The following NRG3 variants were observed in gnomAD, a reference collection of about 807,000 sequenced individuals.
The protein encoded by NRG3 is neuregulin 3.
NRG3 carries 31 observed loss-of-function variants against 66.9 expected under a neutral mutation model. That is an observed-to-expected ratio of 0.46 (90% confidence interval 0.35 to 0.63). The LOEUF (loss-of-function observed/expected upper bound fraction) is 0.63, where lower values mean the gene tolerates loss of function less well. Among genes scored for constraint, NRG3 ranks in the 20% least tolerant of loss-of-function variants. The pLI, the probability that NRG3 is intolerant of heterozygous loss-of-function variation, is 0.00. For missense variants in NRG3, 910 were observed against 878.9 expected (o/e 1.04, Z -0.45); for synonymous variants, 393 against 359.4 (o/e 1.09, Z -1.06).
intron 2 of NRG3, among the ~76,000 whole-genome samples, chr10:82,594,985 T>G (rs1049560595): frequency 1.3e-5 from 2 of 152,078 alleles, no homozygotes; most frequent in Non-Finnish European, 2.9e-5. Context: ...TCCTTTTTAT[T>G]TATTTATTTT....
chr10:82,512,292 T>G (rs1845258480), intron 2 of NRG3, among the ~76,000 whole-genome samples: 1 of 151,902 alleles, frequency 6.6e-6, no homozygotes, highest in African/African-American at 2.4e-5. Flanking sequence ...CTTTTATTTT[T>G]TTTTATTTTT....
chr10:82,198,411 G>A (rs1030622235), intron 1 of NRG3, among the ~76,000 whole-genome samples: 1 of 152,128 alleles, frequency 6.6e-6, no homozygotes, highest in African/African-American at 2.4e-5. Flanking sequence ...TGTCTTATTT[G>A]TAGGAAAGAA....
chr10:82,951,797 C>T (rs142235401), intron 5 of NRG3, among the ~76,000 whole-genome samples: 1 of 152,100 alleles, frequency 6.6e-6, no homozygotes, highest in African/African-American at 2.4e-5. Flanking sequence ...GGTTTATCTA[C>T]GATGCACATA....
chr10:82,121,321 C>T (rs772060194), intron 1 of NRG3, among the ~76,000 whole-genome samples: 1 of 152,138 alleles, frequency 6.6e-6, no homozygotes, highest in Non-Finnish European at 1.5e-5. Context: ...GGGGCATAGA[C>T]TAAGGGACAC....
At chr10:82,539,178 A>T (rs1355496032) in intron 2 of NRG3, among the ~76,000 whole-genome samples, 1 of 152,210 alleles carries the variant, frequency 6.6e-6, no homozygotes, top group African/African-American at 2.4e-5. Flanking sequence ...ACACTGCCTG[A>T]AAAGAGCTTC....
At chr10:82,760,037 A>G (rs1165989963) in intron 3 of NRG3, among the ~76,000 whole-genome samples, 2 of 152,148 alleles carry the variant, frequency 1.3e-5, no homozygotes, top group African/African-American at 4.8e-5. Context: ...AATGCCCTCA[A>G]TTTTATCAGA....
intron 2 of NRG3, among the ~76,000 whole-genome samples, chr10:82,472,028 G>T (rs1361448281): frequency 1.3e-5 from 2 of 151,918 alleles, no homozygotes; most frequent in Non-Finnish European, 2.9e-5. Flanking sequence ...AATATGAGTG[G>T]ATGGTGGAGA....
intron 1 of NRG3, among the ~76,000 whole-genome samples, chr10:82,117,165 C>A: frequency 6.6e-6 from 1 of 152,096 alleles, no homozygotes; most frequent in Non-Finnish European, 1.5e-5. Flanking sequence ...CTTTCCAACT[C>A]CCCCAGGCGG....
intron 2 of NRG3, among the ~76,000 whole-genome samples, chr10:82,724,410 G>C (rs150874378): frequency 0.01 from 1,530 of 152,228 alleles, 24 homozygotes; most frequent in African/African-American, 0.035. Flanking sequence ...ATATTATTGT[G>C]AATTCTGATC....
intron 4 of NRG3, 47 bp from the exon 5 acceptor site, chr10:82,951,422 A>C (rs761714981): frequency 6.9e-7 from 1 of 1,438,878 alleles, no homozygotes; most frequent in Non-Finnish European, 9.8e-7. Flanking sequence ...ATAGTTGCTG[A>C]TGCACCCCGC....
At chr10:82,916,682 A>C (rs1845860023) in intron 4 of NRG3, among the ~76,000 whole-genome samples, 1 of 151,196 alleles carries the variant, frequency 6.6e-6, no homozygotes, top group Non-Finnish European at 1.5e-5. Flanking sequence ...GCTGGAGTGC[A>C]GTGGTGCAAT....
intron 8 of NRG3, among the ~76,000 whole-genome samples, chr10:82,980,901 C>G (rs772885819): frequency 6.6e-6 from 1 of 152,138 alleles, no homozygotes; most frequent in African/African-American, 2.4e-5. Flanking sequence ...TTCATAGTGC[C>G]TTTTCCATAT....
chr10:82,792,910 A>G lies in NRG3; in HGVS notation c.1027+54260A>G, dbSNP rs561688624. Among the ~76,000 whole-genome samples, 8 of 151,992 alleles carry G rather than the reference A, an allele frequency of 5.3e-5. No individual in the cohort carries two copies. In the East Asian group the frequency reaches 1.6e-3, roughly 30 times the overall value. On this transcript the variant is annotated intron_variant, in intron 3 of 8. Transcript: ENST00000372141. The stretch of plus-strand genomic sequence containing the variant: ...TTGTTTAGGCTGGTCCGAACTCCCA[A>G]CCTCAGGTGATCCGCCCACCTCGGC...
At chr10:82,217,540 C>T (rs529281216) in intron 1 of NRG3, among the ~76,000 whole-genome samples, 1 of 152,278 alleles carries the variant, frequency 6.6e-6, no homozygotes, top group African/African-American at 2.4e-5. Context: ...GGGCAACACT[C>T]CTGAATCAGT....
At chr10:82,770,686 G>A (rs1256644180) in intron 3 of NRG3, among the ~76,000 whole-genome samples, 2 of 152,074 alleles carry the variant, frequency 1.3e-5, no homozygotes, top group African/African-American at 4.8e-5. Flanking sequence ...ATGGACACCA[G>A]GGTAGACCAT....
chr10:82,016,474 G>A (rs1167813965), intron 1 of NRG3, among the ~76,000 whole-genome samples: 1 of 151,544 alleles, frequency 6.6e-6, no homozygotes, highest in Non-Finnish European at 1.5e-5. Flanking sequence ...AGTACAAGAC[G>A]AGAGAGGCAT....
At chr10:82,788,187 A>C (rs548961883) in intron 3 of NRG3, among the ~76,000 whole-genome samples, 1 of 152,324 alleles carries the variant, frequency 6.6e-6, no homozygotes, top group East Asian at 1.9e-4. Flanking sequence ...CAAATTATTC[A>C]GCAGGAGCAG....
At chr10:82,166,620 T>A (rs899722207) in intron 1 of NRG3, 4 of 321,220 alleles carry the variant, frequency 1.2e-5, no homozygotes, top group Non-Finnish European at 1.7e-5. Flanking sequence ...TTAAGGATAT[T>A]TAAATAATTA....
chr10:82,875,185 G>A (rs889732377), intron 4 of NRG3, among the ~76,000 whole-genome samples: 1 of 152,114 alleles, frequency 6.6e-6, no homozygotes, highest in African/African-American at 2.4e-5. Flanking sequence ...ACATGCCATT[G>A]GGGTATAAAG....
Sources: allele counts gnomAD v4.1 joint callset (sites outside exome capture counted in the v4.1 genomes callset), GRCh38; gene constraint gnomAD v4.1.1; transcripts MANE v1.5; gene names NCBI Gene and HGNC (gene_info 2026-07-23, HGNC 2026-07-21).